KANK4: variants seen among roughly 807,000 people sequenced by gnomAD.
KANK4 encodes the protein KN motif and ankyrin repeat domains 4.
In KANK4, 50 loss-of-function variants were observed where a neutral mutation model predicts 80.8. The ratio of observed to expected loss-of-function variants is 0.62; its 90% CI spans 0.49 to 0.78. KANK4 has a LOEUF of 0.78. Ranked by LOEUF, KANK4 falls within the 30% of genes least tolerant of loss-of-function variation. The pLI is 0.00. For missense variants in KANK4, 1,196 were observed against 1,240.1 expected, an observed-to-expected ratio of 0.96 and a Z score of 0.53; for synonymous variants, 465 against 506.9, an observed-to-expected ratio of 0.92 and a Z score of 1.11.
chr1:62,271,504 G>T lies in KANK4; in HGVS notation c.1986C>A (p.Asn662Lys). The change falls in exon 4 of 10, where the codon AAC becomes AAA. Residue 662 changes from asparagine to lysine, a missense_variant. Physicochemically the swap from Asn to Lys is moderately conservative, Grantham distance 94. Around this residue, in one of 3 missense-constraint regions of KANK4, gnomAD observed 1,154 missense variants for 1,179.6 expected, o/e 0.98. Transcript: ENST00000371153. ...CACCGTTAACCCCAACAAACTGAAG[G>T]TTCTTTTTGGTCCCATTACCTCCTG... ...FRAGGNGTKK[N>K]LQFVGVNGGY... The T allele has an allele frequency of 6.2e-7, 1 of 1,613,734 alleles. No homozygotes were observed. Among genetic ancestry groups the T allele is most frequent in the East Asian group, 2.2e-5 (1 of 44,872 alleles).
chr1:62,268,538 C>T (rs933927400), intron 4 of KANK4, 33 bp from the exon 5 acceptor site: 1 of 1,577,820 alleles, frequency 6.3e-7, no homozygotes, highest in Non-Finnish European at 8.7e-7. Context: ...CTCGTCCTGT[C>T]TTTCCTGCCC....
intron 3 of KANK4, chr1:62,272,405 C>T (rs11584786): frequency 0.48 from 72,410 of 152,236 alleles, 17,894 homozygotes; most frequent in African/African-American, 0.6. Flanking sequence ...TCCTCCAAAA[C>T]CAGGCCAGAG....
chr1:62,263,401 C>G (rs1671942034), intron 6 of KANK4, 90 bp from the exon 7 acceptor site: 1 of 969,592 alleles, frequency 1.0e-6, no homozygotes, highest in African/African-American at 1.6e-5. Context: ...TGGCCTCTGT[C>G]CCTGCAGCTC....
At chr1:62,284,624 G>C (rs1323110826) in intron 1 of KANK4, among the ~76,000 whole-genome samples, 1 of 152,136 alleles carries the variant, frequency 6.6e-6, no homozygotes, top group African/African-American at 2.4e-5. Context: ...TGATCATAAA[G>C]CCATTTCTTA....
intron 2 of KANK4, among the ~76,000 whole-genome samples, chr1:62,277,474 G>A (rs79462808): frequency 0.051 from 7,738 of 152,180 alleles, 223 homozygotes; most frequent in East Asian, 0.14. Context: ...CTTTGAATCC[G>A]GGTTGGCCTG....
At chr1:62,296,390 T>C (rs1571036105) in intron 1 of KANK4, among the ~76,000 whole-genome samples, 1 of 152,178 alleles carries the variant, frequency 6.6e-6, no homozygotes, top group Non-Finnish European at 1.5e-5. Context: ...GGAATTCCAA[T>C]ATTGGCTCCA....
In KANK4 at chr1:62,273,785, A is replaced by G; in HGVS notation, c.1319T>C (p.Met440Thr). ...KGIEVNLLGS[M>T]ESESWGHRGE... is the part of the protein sequence containing the mutation. Reference sequence around the variant, plus strand: ...TCGGTGCCCCCAGCTTTCAGACTCCATGCTGCCTAGAAGGTTGACTTCAAT... The same window carrying G: ...TCGGTGCCCCCAGCTTTCAGACTCCGTGCTGCCTAGAAGGTTGACTTCAAT... The change falls in exon 3 of 10, where the codon ATG becomes ACG. Residue 440 changes from methionine (M) to threonine (T), a missense_variant. Transcript: ENST00000371153. The G allele has an allele frequency of 6.2e-7, 1 of 1,614,112 alleles. No individual in the cohort carries two copies.
intron 7 of KANK4, among the ~76,000 whole-genome samples, chr1:62,260,304 C>G (rs186307779): frequency 6.6e-6 from 1 of 152,186 alleles, no homozygotes; most frequent in Admixed American, 6.5e-5. Flanking sequence ...CTCTGATTCT[C>G]TGTCAGTCTC....
chr1:62,286,244 C>G (rs1036398472), intron 1 of KANK4, among the ~76,000 whole-genome samples: 1 of 152,244 alleles, frequency 6.6e-6, no homozygotes, highest in Non-Finnish European at 1.5e-5. Flanking sequence ...AGGGAGGACT[C>G]GTCTCCTTCC....
At position 62,271,508 on chromosome 1, in the gene KANK4, T is replaced by C. The variant is rs1001032203; in HGVS notation, c.1982A>G (p.Lys661Arg). 3 of 1,613,424 alleles carry C rather than the reference T, an allele frequency of 1.9e-6. No homozygotes were observed. Among genetic ancestry groups the C allele is most frequent in the Non-Finnish European group, 2.5e-6 (3 of 1,179,342 alleles). ...GFRAGGNGTK[K>R]NLQFVGVNGG... is the part of the protein sequence containing the mutation. ...GTTAACCCCAACAAACTGAAGGTTCTTTTTGGTCCCATTACCTCCTGCACG... is the reference window on the plus strand; with the variant it reads ...GTTAACCCCAACAAACTGAAGGTTCCTTTTGGTCCCATTACCTCCTGCACG... The change falls in exon 4 of 10, where the codon AAG becomes AGG. Residue 661 changes from lysine (K) to arginine (R), a missense_variant. Physicochemically the swap from Lys to Arg is conservative, Grantham distance 26. Coordinates refer to ENST00000371153, the MANE Select transcript of KANK4 (RefSeq NM_181712.5).
At chr1:62,318,137 T>C (rs1276783223) in intron 1 of KANK4, among the ~76,000 whole-genome samples, 7 of 152,192 alleles carry the variant, frequency 4.6e-5, no homozygotes, top group African/African-American at 1.4e-4. Context: ...TCCCCATGCC[T>C]CAGCCGGGTC....
At chr1:62,282,194 A>C (rs1672465576) in intron 1 of KANK4, among the ~76,000 whole-genome samples, 1 of 152,172 alleles carries the variant, frequency 6.6e-6, no homozygotes, top group Non-Finnish European at 1.5e-5. Context: ...GGGCAGAACA[A>C]GGGGAAGTTC....
At chr1:62,277,118 T>C (rs970727933) in intron 2 of KANK4, among the ~76,000 whole-genome samples, 2 of 152,150 alleles carry the variant, frequency 1.3e-5, no homozygotes, top group African/African-American at 2.4e-5. Flanking sequence ...CTTCAAAGGA[T>C]TTATGATGAG....
chr1:62,259,158 G>A (rs562203712), intron 7 of KANK4, among the ~76,000 whole-genome samples: 1 of 152,280 alleles, frequency 6.6e-6, no homozygotes, highest in South Asian at 2.1e-4. Context: ...AAAGCCGTTG[G>A]ATCCTAAATT....
Position 62,263,127 on chromosome 1 carries a change from G to C in KANK4, c.2504C>G (p.Ser835Cys), listed in dbSNP as rs759156801. Residue 835 changes from serine (S) to cysteine (C), a missense_variant, in exon 7 of 10, where the codon TCC becomes TGC. Physicochemically the swap from Ser to Cys is moderately radical, Grantham distance 112 (BLOSUM62 -1). Transcript: ENST00000371153. ...NTALHYSVSH[S>C]NFSIVKLLLE... ...CAGCAGCTTCACGATGGAGAAGTTG[G>C]AGTGGGACACGCTGTAGTGAAGGGC... is the stretch of plus-strand genomic sequence containing the variant. 9.9e-6 allele frequency: 16 copies of C among 1,613,602 alleles called. No homozygotes were observed. Among genetic ancestry groups the C allele is most frequent in the Non-Finnish European group, 1.4e-5 (16 of 1,179,752 alleles).
intron 7 of KANK4, among the ~76,000 whole-genome samples, chr1:62,260,743 CTT>C (rs1440321967): frequency 1.3e-5 from 2 of 152,184 alleles, no homozygotes; most frequent in African/African-American, 4.8e-5. Flanking sequence ...AGTTGACAAT[CTT>C]TGTTTTTCAT....
intron 6 of KANK4, among the ~76,000 whole-genome samples, 155 bp downstream of exon 6, chr1:62,266,576 AC>A (rs1672026366): frequency 6.6e-6 from 1 of 150,648 alleles, no homozygotes; most frequent in Non-Finnish European, 1.5e-5. Flanking sequence ...CTGCACACCC[AC>A]ACTACTGCCT....
At chr1:62,259,514 C>T (rs976439220) in intron 7 of KANK4, among the ~76,000 whole-genome samples, 2 of 151,920 alleles carry the variant, frequency 1.3e-5, no homozygotes, top group Non-Finnish European at 2.9e-5. Context: ...TGAGCCTAAG[C>T]GGTTCACCCG....
rs1205538180 is a variant in KANK4, at chr1:62,278,389, C to CTT, written c.16+3158_16+3159dup. Among the ~76,000 whole-genome samples, 4 of 28,970 alleles carry CTT rather than the reference C, an allele frequency of 1.4e-4. 2 individuals carry two copies. The highest frequency in any genetic ancestry group is 2.2e-4 in the Non-Finnish European group (4 of 18,304). 19.0% of individuals were successfully genotyped at this position (28,970 alleles called of 152,430 possible). On this transcript the variant is annotated intron_variant, in intron 2 of 9. Transcript: ENST00000371153. ...CCTTCCTTCCTTCCTTTCTTTCTTT[C>CTT]TTTCTTTCTTTTTTTTTTTTGAGAT...
Sources: gnomAD v4.1 joint callset for allele counts (sites outside exome capture counted in the v4.1 genomes callset) on GRCh38, gnomAD v4.1.1 for gene constraint, gnomAD v4.1.1 regional missense constraint, MANE v1.5 for transcripts, NCBI Gene and HGNC (gene_info 2026-07-23, HGNC 2026-07-21) for gene names.